Variants in ZNF423 observed in about 807,000 individuals in gnomAD.
ZNF423 encodes the protein Ebf-associated zinc finger protein.
Under a neutral mutation model 95.8 loss-of-function variants are expected in ZNF423, and 12 were observed. That is an observed-to-expected ratio of 0.13 (90% CI 0.08 to 0.20). The LOEUF (loss-of-function observed/expected upper bound fraction) is 0.20, where lower values mean the gene tolerates loss of function less well. Ranked by LOEUF, ZNF423 falls within the 10% of genes least tolerant of loss-of-function variation. ZNF423 has a pLI of 1.00. For missense variants in ZNF423, 1,316 were observed against 1,737.1 expected, an observed-to-expected ratio of 0.76 and a Z score of 4.31; for synonymous variants, 749 against 711.9, an observed-to-expected ratio of 1.05 and a Z score of -0.83.
At chr16:49,619,976 C>G (rs1972003244) in intron 5 of ZNF423, among the ~76,000 whole-genome samples, 1 of 152,136 alleles carries the variant, frequency 6.6e-6, no homozygotes, top group East Asian at 1.9e-4. Context: ...GCAGGCTGGG[C>G]CTTCAGCACG....
At chr16:49,664,040 C>T (rs187546923) in intron 3 of ZNF423, 3 of 983,420 alleles carry the variant, frequency 3.1e-6, no homozygotes, top group South Asian at 9.4e-5. Context: ...ATTCATTCTT[C>T]CCCCTTCCAA....
chr16:49,833,908 T>G (rs575043635), intron 1 of ZNF423, among the ~76,000 whole-genome samples: 9 of 152,324 alleles, frequency 5.9e-5, no homozygotes, highest in African/African-American at 1.9e-4. Context: ...ACTTGGCTCC[T>G]GTACTCGGTC....
chr16:49,856,874 A>AG (rs2144147424), upstream of ZNF423, among the ~76,000 whole-genome samples: 1 of 146,870 alleles, frequency 6.8e-6, no homozygotes, highest in African/African-American at 2.5e-5. Context: ...GGGCTCGGAG[A>AG]GGGGGGAGGC....
chr16:49,697,862 A>C (rs2032031220), intron 3 of ZNF423, among the ~76,000 whole-genome samples: 1 of 152,274 alleles, frequency 6.6e-6, no homozygotes, highest in African/African-American at 2.4e-5. Context: ...AGCCTTAACC[A>C]GCCCATTGTT....
chr16:49,792,151 CAG>C (rs1331997492), intron 1 of ZNF423, among the ~76,000 whole-genome samples: 1 of 151,420 alleles, frequency 6.6e-6, no homozygotes, highest in African/African-American at 2.4e-5. Flanking sequence ...CTGCAGGTAT[CAG>C]GGCATTAATA....
At chr16:49,545,518 C>G (rs548829329) in intron 5 of ZNF423, among the ~76,000 whole-genome samples, 1 of 152,186 alleles carries the variant, frequency 6.6e-6, no homozygotes. Context: ...GCCCTGCCAG[C>G]CAGGGTGACC....
chr16:49,580,937 C>G (rs762679533), intron 5 of ZNF423, among the ~76,000 whole-genome samples: 3 of 152,170 alleles, frequency 2.0e-5, no homozygotes, highest in Non-Finnish European at 2.9e-5. Flanking sequence ...GAGGCCCAGC[C>G]AGGCCCACCA....
chr16:49,532,480 G>T (rs561462508), intron 5 of ZNF423, among the ~76,000 whole-genome samples: 58 of 152,324 alleles, frequency 3.8e-4, no homozygotes, highest in African/African-American at 9.4e-4. Flanking sequence ...GCCCAGAAGG[G>T]ACCCATCGTA....
At chr16:49,650,304 CTG>C (rs929169794) in intron 3 of ZNF423, among the ~76,000 whole-genome samples, 30 of 152,336 alleles carry the variant, frequency 2.0e-4, no homozygotes, top group African/African-American at 5.5e-4. Flanking sequence ...CCATCATTAG[CTG>C]TGAGACCATG....
At chr16:49,619,826 CT>C (rs1036534559) in intron 5 of ZNF423, among the ~76,000 whole-genome samples, 8 of 152,102 alleles carry the variant, frequency 5.3e-5, no homozygotes, top group African/African-American at 1.4e-4. Context: ...ACAGGAACCC[CT>C]TTTTCTTTTC....
chr16:49,508,012 C>G (rs1228828443), intron 7 of ZNF423, among the ~76,000 whole-genome samples: 1 of 152,150 alleles, frequency 6.6e-6, no homozygotes, highest in Non-Finnish European at 1.5e-5. Context: ...GTGAAGAGGA[C>G]AGAAGCCGGG....
rs117910613 is a variant in ZNF423 at position 49,493,685 on chromosome 16, C to T, written c.3850-2381G>A. On this transcript the variant is annotated intron_variant, in intron 7 of 7. Coordinates refer to ENST00000563137, the MANE Select transcript of ZNF423 (RefSeq NM_001379286.1). The stretch of plus-strand genomic sequence containing the variant: ...TTCCTAGGGCCTGGCACAAAGTAGA[C>T]ACTCAGGCAGTATTTGTGAATGAGT... 3.1e-3 allele frequency among the ~76,000 whole-genome samples: 469 copies of T among 152,262 alleles called. 3 individuals are homozygous for T. The highest frequency in any genetic ancestry group is 0.02 in the East Asian group (102 of 5,184).
At chr16:49,794,248 T>TG (rs2034464384) in intron 1 of ZNF423, among the ~76,000 whole-genome samples, 1 of 151,442 alleles carries the variant, frequency 6.6e-6, no homozygotes, top group African/African-American at 2.4e-5. Context: ...TTTTTTTTTT[T>TG]TGTGGAGACA....
chr16:49,565,286 T>A (rs1970154271), intron 5 of ZNF423, among the ~76,000 whole-genome samples: 1 of 152,176 alleles, frequency 6.6e-6, no homozygotes, highest in South Asian at 2.1e-4. Flanking sequence ...GTGGCCAAGA[T>A]CTTCCCTTAA....
At chr16:49,836,022 C>G (rs1168388801) in intron 1 of ZNF423, among the ~76,000 whole-genome samples, 1 of 152,136 alleles carries the variant, frequency 6.6e-6, no homozygotes, top group African/African-American at 2.4e-5. Context: ...CTCAGCAAGG[C>G]CACCTACCCC....
intron 7 of ZNF423, among the ~76,000 whole-genome samples, chr16:49,494,541 T>G (rs1297923486): frequency 1.3e-5 from 2 of 152,106 alleles, no homozygotes. Flanking sequence ...CCCAAACATT[T>G]GTGGGATTAA....
intron 5 of ZNF423, among the ~76,000 whole-genome samples, chr16:49,533,838 A>G (rs914732887): frequency 2.0e-5 from 3 of 152,142 alleles, no homozygotes; most frequent in Admixed American, 6.5e-5. Flanking sequence ...GGCTGTTATG[A>G]GAGTAAATGA....
At chr16:49,729,653 A>G (rs1474542388) in intron 3 of ZNF423, among the ~76,000 whole-genome samples, 3 of 136,012 alleles carry the variant, frequency 2.2e-5, no homozygotes, top group Non-Finnish European at 4.5e-5. Flanking sequence ...TATTATTATT[A>G]TTATTATTAT....
At position 49,525,589 on chromosome 16, in the gene ZNF423, C is replaced by A. The variant is rs547397673; in HGVS notation, c.3602-95G>T. ...TCCCATAGACCCCAGCACTAACCCC[C>A]CTCCAATCCCCAGCACCGGGGCTGG... On this transcript the variant is annotated intron_variant, in intron 5 of 7. Transcript: ENST00000563137. 8 of 1,538,928 alleles carry A rather than the reference C, an allele frequency of 5.2e-6. No homozygotes were observed. The South Asian group carries it at 7.2e-5, about 14-fold the overall frequency.
Sources: gnomAD v4.1 joint callset for allele counts (sites outside exome capture counted in the v4.1 genomes callset) on GRCh38, gnomAD v4.1.1 for gene constraint, MANE v1.5 for transcripts, NCBI Gene and HGNC (gene_info 2026-07-23, HGNC 2026-07-21) for gene names.